THSD7A: variants seen among roughly 807,000 people sequenced by gnomAD.
THSD7A encodes the protein thrombospondin type 1 domain containing 7A, also known as thrombospondin type-1 domain-containing protein 7A.
A neutral mutation model predicts 231.3 loss-of-function variants in THSD7A; 96 were observed. The observed-to-expected ratio is 0.41, with a 90% confidence interval of 0.35 to 0.49. The LOEUF (loss-of-function observed/expected upper bound fraction) is 0.49, where lower values mean the gene tolerates loss of function less well. THSD7A is among the 20% of genes least tolerant of loss of function. THSD7A has a pLI of 0.05. For missense variants in THSD7A, 2,290 were observed against 2,070.2 expected, an observed-to-expected ratio of 1.11 and a Z score of -2.06; for synonymous variants, 940 against 743.3, an observed-to-expected ratio of 1.26 and a Z score of -4.30.
chr7:11,746,421 A>G (rs1411897162), intron 1 of THSD7A, among the ~76,000 whole-genome samples: 1 of 151,866 alleles, frequency 6.6e-6, no homozygotes, highest in East Asian at 1.9e-4. Flanking sequence ...CTAATCCAGA[A>G]TCCCCCAATG....
intron 23 of THSD7A, among the ~76,000 whole-genome samples, chr7:11,390,823 T>C (rs1296682332): frequency 1.3e-5 from 2 of 152,222 alleles, no homozygotes; most frequent in East Asian, 1.9e-4. Flanking sequence ...CCTTTCTGTT[T>C]GTTAATTTTT....
At chr7:11,652,619 A>G (rs1782546315) in intron 1 of THSD7A, among the ~76,000 whole-genome samples, 1 of 151,972 alleles carries the variant, frequency 6.6e-6, no homozygotes, top group South Asian at 2.1e-4. Context: ...TAATGTATCA[A>G]AATTGGTTCA....
intron 6 of THSD7A, among the ~76,000 whole-genome samples, chr7:11,524,804 T>G (rs1350939308): frequency 6.6e-6 from 1 of 152,176 alleles, no homozygotes; most frequent in Non-Finnish European, 1.5e-5. Flanking sequence ...AACACACACT[T>G]AATTCAGGAT....
chr7:11,544,710 C>T (rs992032644), intron 4 of THSD7A, among the ~76,000 whole-genome samples: 1 of 152,150 alleles, frequency 6.6e-6, no homozygotes, highest in African/African-American at 2.4e-5. Context: ...ATTGATTCCT[C>T]TTACTACCAC....
At chr7:11,800,296 C>G (rs988939981) in intron 1 of THSD7A, among the ~76,000 whole-genome samples, 22 of 152,268 alleles carry the variant, frequency 1.4e-4, no homozygotes, top group African/African-American at 5.1e-4. Flanking sequence ...CACCTGTAAT[C>G]CCAGCACTTT....
chr7:11,514,711 G>A (rs28568775), intron 6 of THSD7A, among the ~76,000 whole-genome samples: 18,202 of 152,080 alleles, frequency 0.12, 1,324 homozygotes, highest in African/African-American at 0.2. Context: ...CAACAGGTTA[G>A]CAGTATAATT....
intron 2 of THSD7A, among the ~76,000 whole-genome samples, chr7:11,603,457 G>C (rs1254144458): frequency 6.6e-6 from 1 of 152,072 alleles, no homozygotes; most frequent in African/African-American, 2.4e-5. Flanking sequence ...AACCATTGTG[G>C]AAGTCAGTGT....
chr7:11,665,115 T>A (rs1413571715), intron 1 of THSD7A, among the ~76,000 whole-genome samples: 1 of 151,956 alleles, frequency 6.6e-6, no homozygotes, highest in African/African-American at 2.4e-5. Context: ...CATGTTTACA[T>A]CCAAATAAAG....
intron 8 of THSD7A, among the ~76,000 whole-genome samples, chr7:11,471,314 TACTC>T (rs946127247): frequency 1.3e-5 from 2 of 152,012 alleles, no homozygotes; most frequent in African/African-American, 4.8e-5. Context: ...GATTTTAAAA[TACTC>T]TATATAAGAG....
At chr7:11,754,226 C>T (rs983272763) in intron 1 of THSD7A, among the ~76,000 whole-genome samples, 1 of 151,812 alleles carries the variant, frequency 6.6e-6, no homozygotes, top group African/African-American at 2.4e-5. Context: ...AATGTTGTCT[C>T]TGAAAAATAG....
intron 6 of THSD7A, among the ~76,000 whole-genome samples, chr7:11,537,942 G>A (rs545986576): frequency 5.9e-5 from 9 of 152,296 alleles, no homozygotes; most frequent in African/African-American, 2.2e-4. Flanking sequence ...GAGAGTCTTT[G>A]GATAGCAGAG....
At chr7:11,454,983 T>A (rs372305198) in intron 11 of THSD7A, among the ~76,000 whole-genome samples, 2 of 152,006 alleles carry the variant, frequency 1.3e-5, no homozygotes, top group South Asian at 2.1e-4. Context: ...CAGATCCACA[T>A]GTTGAAATCA....
chr7:11,775,909 A>G (rs1783390768), intron 1 of THSD7A, among the ~76,000 whole-genome samples: 1 of 152,198 alleles, frequency 6.6e-6, no homozygotes, highest in African/African-American at 2.4e-5. Context: ...TTAATTACTA[A>G]CTGTGAACAT....
intron 19 of THSD7A, among the ~76,000 whole-genome samples, chr7:11,409,216 T>G (rs1269179371): frequency 6.6e-6 from 1 of 152,154 alleles, no homozygotes; most frequent in African/African-American, 2.4e-5. Context: ...AAAATAATAC[T>G]ACATAAATGC....
intron 13 of THSD7A, among the ~76,000 whole-genome samples, chr7:11,432,800 ATATG>A (rs1784519401): frequency 6.6e-6 from 1 of 151,998 alleles, no homozygotes; most frequent in Admixed American, 6.6e-5. Flanking sequence ...TTTGATGGAC[ATATG>A]TATGTATTTC....
chr7:11,676,319 C>A (rs549614507), intron 1 of THSD7A, among the ~76,000 whole-genome samples: 2 of 152,226 alleles, frequency 1.3e-5, no homozygotes, highest in South Asian at 2.1e-4. Flanking sequence ...AAAACCAGCA[C>A]AAAAAGGCTG....
At chr7:11,546,202 G>GCGCGCGCGCACACACACACACACACACA (rs761841418) in intron 4 of THSD7A, among the ~76,000 whole-genome samples, 4,063 of 129,004 alleles carry the variant, frequency 0.031, 117 homozygotes, top group Admixed American at 0.053. Context: ...GTGGGCGCGC[G>GCGCGCGCGCACACACACACACACACACA]CTCACACACA....
At chr7:11,660,113 A>C (rs1782872028) in intron 1 of THSD7A, among the ~76,000 whole-genome samples, 1 of 151,616 alleles carries the variant, frequency 6.6e-6, no homozygotes, top group Non-Finnish European at 1.5e-5. Flanking sequence ...TCTAGATGTA[A>C]AGAATTAATA....
intron 1 of THSD7A, among the ~76,000 whole-genome samples, chr7:11,732,189 A>G (rs947309102): frequency 6.6e-6 from 1 of 151,478 alleles, no homozygotes; most frequent in Non-Finnish European, 1.5e-5. Flanking sequence ...TTGAAAAATG[A>G]ACACGTATTT....
Sources: allele counts gnomAD v4.1 joint callset (sites outside exome capture counted in the v4.1 genomes callset), GRCh38; gene constraint gnomAD v4.1.1; transcripts MANE v1.5; gene names NCBI Gene and HGNC (gene_info 2026-07-23, HGNC 2026-07-21).